SEM1: variants seen among roughly 807,000 people sequenced by gnomAD.
SEM1 encodes SEM1 26S proteasome subunit.
In SEM1, 3 loss-of-function variants were observed where a neutral mutation model predicts 12.7. The ratio of observed to expected loss-of-function variants is 0.24; its 90% confidence interval spans 0.11 to 0.61. The LOEUF (loss-of-function observed/expected upper bound fraction) is 0.61, where lower values mean the gene tolerates loss of function less well. SEM1 is among the 20% of genes least tolerant of loss of function. The probability of loss-of-function intolerance (pLI) is 0.88; values close to 1 mark genes in which losing one functional copy is unlikely to be tolerated. For missense variants in SEM1, 59 were observed against 81.3 expected (o/e 0.73, Z 1.06); for synonymous variants, 30 against 27.8 (o/e 1.08, Z -0.25).
rs189591902 is a variant in SEM1 at position 96,637,580 on chromosome 7, A to G, written c.171-14937T>C. On this transcript the variant is annotated intron_variant, in intron 2 of 2. Coordinates refer to the SEM1 transcript ENST00000417009. ...GATGATGTGCTTGACTCTATTTTCCATTTAATGTTAGGATATTGGACTCTT... is the reference window on the plus strand; with the variant it reads ...GATGATGTGCTTGACTCTATTTTCCGTTTAATGTTAGGATATTGGACTCTT... Among the ~76,000 whole-genome samples, 648 of 152,078 alleles carry G rather than the reference A, an allele frequency of 4.3e-3. 4 individuals are homozygous for G. The highest frequency in any genetic ancestry group is 0.015 in the African/African-American group (623 of 41,512).
At chr7:96,643,356 A>AT (rs1268417317) in intron 2 of SEM1, among the ~76,000 whole-genome samples, 10 of 151,346 alleles carry the variant, frequency 6.6e-5, no homozygotes, top group African/African-American at 2.2e-4. Context: ...TTTATTTTTA[A>AT]TTTTTTATTA....
At chr7:96,675,342 G>A (rs980137158) in intron 2 of SEM1, among the ~76,000 whole-genome samples, 6 of 151,898 alleles carry the variant, frequency 4.0e-5, no homozygotes, top group East Asian at 3.9e-4. Context: ...CATCAGTTTC[G>A]CCGTCACTTC....
At chr7:96,587,794 T>C (rs931794060) in intron 2 of SEM1, among the ~76,000 whole-genome samples, 1 of 152,142 alleles carries the variant, frequency 6.6e-6, no homozygotes, top group African/African-American at 2.4e-5. Flanking sequence ...AATACACGTG[T>C]ACACATACAT....
intron 2 of SEM1, among the ~76,000 whole-genome samples, chr7:96,542,269 G>A (rs752870161): frequency 6.6e-6 from 1 of 151,636 alleles, no homozygotes; most frequent in Non-Finnish European, 1.5e-5. Flanking sequence ...TGTCATCTAT[G>A]ATTCCATTTA....
intron 1 of SEM1, 72 bp downstream of exon 1, chr7:96,709,616 C>A: frequency 7.6e-6 from 11 of 1,444,176 alleles, no homozygotes; most frequent in Non-Finnish European, 9.7e-6. Context: ...TGGGCCCGAG[C>A]ACCCAAGCTA....
intron 2 of SEM1, among the ~76,000 whole-genome samples, chr7:96,681,422 G>A (rs943373631): frequency 6.6e-6 from 1 of 152,088 alleles, no homozygotes; most frequent in Non-Finnish European, 1.5e-5. Flanking sequence ...AGTAGTGGGA[G>A]TAGATAGATT....
At chr7:96,540,250 T>A (rs1804904389) in intron 2 of SEM1, among the ~76,000 whole-genome samples, 1 of 151,584 alleles carries the variant, frequency 6.6e-6, no homozygotes, top group African/African-American at 2.4e-5. Context: ...TAGGCTGCAT[T>A]TGAGTGTTGA....
In SEM1 at chr7:96,581,544, C is replaced by A. The variant is rs551314597; in HGVS notation, c.171-74846G>T. Reference sequence around the variant, plus strand: ...TAGCTTGATGGGGATGACATTGAATCTGTAAATTACCTTGGGCAGTATGGC... The same window carrying A: ...TAGCTTGATGGGGATGACATTGAATATGTAAATTACCTTGGGCAGTATGGC... On this transcript the variant is annotated intron_variant and NMD_transcript_variant, in intron 2 of 3. Coordinates refer to the SEM1 transcript ENST00000466986. Among the ~76,000 whole-genome samples, 589 of 152,236 alleles carry A rather than the reference C, an allele frequency of 3.9e-3. 3 individuals are homozygous for A. The highest frequency in any genetic ancestry group is 0.013 in the African/African-American group (558 of 41,542).
intron 2 of SEM1, among the ~76,000 whole-genome samples, chr7:96,592,691 G>A (rs1806865275): frequency 6.6e-6 from 1 of 151,700 alleles, no homozygotes; most frequent in African/African-American, 2.4e-5. Context: ...AAGGTTGAAG[G>A]TGGCAGGTTT....
At chr7:96,523,698 C>T (rs1443387031) in intron 2 of SEM1, among the ~76,000 whole-genome samples, 2 of 152,098 alleles carry the variant, frequency 1.3e-5, no homozygotes, top group African/African-American at 4.8e-5. Context: ...ATCTTTTCTA[C>T]CAGCTATCAT....
At chr7:96,527,344 A>G (rs1476443175) in intron 2 of SEM1, among the ~76,000 whole-genome samples, 2 of 152,122 alleles carry the variant, frequency 1.3e-5, no homozygotes, top group Non-Finnish European at 2.9e-5. Flanking sequence ...CCCTGGGTAA[A>G]CGGTGTCACT....
At position 96,640,795 on chromosome 7, in the gene SEM1, AGG is replaced by A. The variant is rs1808566207; in HGVS notation, c.171-18154_171-18153del. Among the ~76,000 whole-genome samples the A allele has an allele frequency of 6.6e-6, 1 of 151,860 alleles. No individual in the cohort carries two copies. The highest frequency in any genetic ancestry group is 6.6e-5 in the Admixed American group (1 of 15,206). On this transcript the variant is annotated intron_variant, in intron 2 of 2. Coordinates refer to the SEM1 transcript ENST00000417009. This position sits in a 1 kb window ranked among gnomAD's most constrained non-coding sequence, Gnocchi z 4.0. ...CCACTCTGTGGGGATGCTATAAATG[AGG>A]GAGGCTATGCATGTGTCGGGGGAGG...
chr7:96,574,019 T>C lies in SEM1; in HGVS notation c.171-67321A>G, dbSNP rs571435878. Among the ~76,000 whole-genome samples the C allele has an allele frequency of 4.6e-5, 7 of 152,196 alleles. No homozygotes were observed. The South Asian group carries it at 1.5e-3, about 32-fold the overall frequency. Reference sequence around the variant, plus strand: ...GTTACATATGTATACATGTGCCATGTTGGTGTGCTGCACCCGTTAACTCAT... The same window carrying C: ...GTTACATATGTATACATGTGCCATGCTGGTGTGCTGCACCCGTTAACTCAT... On this transcript the variant is annotated intron_variant and NMD_transcript_variant, in intron 2 of 3. Coordinates refer to the SEM1 transcript ENST00000466986.
chr7:96,605,519 A>G (rs1807324228), intron 2 of SEM1, among the ~76,000 whole-genome samples: 1 of 152,232 alleles, frequency 6.6e-6, no homozygotes, highest in Admixed American at 6.5e-5. Flanking sequence ...AATTTTAAAC[A>G]AAAGCTCTCC....
downstream of SEM1, chr7:96,688,214 TA>T (rs1278465988): frequency 6.6e-6 from 1 of 152,166 alleles, no homozygotes; most frequent in Non-Finnish European, 1.5e-5. Context: ...AACTCAGTTG[TA>T]CTAAATGAGC....
chr7:96,628,089 CT>C (rs1279409069), intron 2 of SEM1, among the ~76,000 whole-genome samples: 2 of 152,042 alleles, frequency 1.3e-5, no homozygotes, highest in Admixed American at 6.6e-5. Context: ...TATTCTTACT[CT>C]TTTTTTGTTT....
chr7:96,631,234 A>G (rs1371270482), intron 2 of SEM1, among the ~76,000 whole-genome samples: 1 of 152,166 alleles, frequency 6.6e-6, no homozygotes, highest in African/African-American at 2.4e-5. Context: ...TTGTAGTCCC[A>G]GTGGCCTAGA....
At chr7:96,699,811 C>T (rs1023135067) in intron 1 of SEM1, among the ~76,000 whole-genome samples, 3 of 152,156 alleles carry the variant, frequency 2.0e-5, no homozygotes, top group Admixed American at 6.6e-5. Flanking sequence ...GGCAATGTTG[C>T]TATGGTTTAA....
At chr7:96,656,761 C>T (rs1016663935) in intron 2 of SEM1, among the ~76,000 whole-genome samples, 3 of 151,770 alleles carry the variant, frequency 2.0e-5, no homozygotes, top group Non-Finnish European at 4.4e-5. Context: ...AAGAAGAATG[C>T]CACGGGCTAG....
Sources: gnomAD v4.1 joint callset for allele counts (sites outside exome capture counted in the v4.1 genomes callset) on GRCh38, gnomAD v4.1.1 for gene constraint, Gnocchi (gnomAD v3.1) non-coding constraint, MANE v1.5 for transcripts, NCBI Gene and HGNC (gene_info 2026-07-23, HGNC 2026-07-21) for gene names.